The following C8orf76 variants were observed in gnomAD, a reference collection of about 807,000 sequenced individuals.
C8orf76 encodes the protein uncharacterized protein C8orf76.
C8orf76 carries 46 observed loss-of-function variants against 38.1 expected under a neutral mutation model. That is an observed-to-expected ratio of 1.21 (90% CI 0.95 to 1.54). The LOEUF (loss-of-function observed/expected upper bound fraction) is 1.54, where lower values mean the gene tolerates loss of function less well. Among genes scored for constraint, C8orf76 ranks in the 40% most tolerant of loss-of-function variants. The pLI is 0.00. For synonymous variants in C8orf76, 166 were observed against 167.5 expected (o/e 0.99, Z 0.07); for missense variants, 461 against 441.6 (o/e 1.04, Z -0.39).
intron 3 of C8orf76, among the ~76,000 whole-genome samples, chr8:123,235,067 C>T (rs1825411609): frequency 6.6e-6 from 1 of 152,088 alleles, no homozygotes; most frequent in East Asian, 1.9e-4. Flanking sequence ...AGCATCGAAC[C>T]CAGAACCAGG....
chr8:123,223,007 C>T, intron 5 of C8orf76, among the ~76,000 whole-genome samples: 1 of 151,972 alleles, frequency 6.6e-6, no homozygotes, highest in East Asian at 1.9e-4. Context: ...TAATCTGTTC[C>T]AAAAGGTACA....
At chr8:123,225,116 C>T in intron 5 of C8orf76, among the ~76,000 whole-genome samples, 1 of 152,128 alleles carries the variant, frequency 6.6e-6, no homozygotes, top group Non-Finnish European at 1.5e-5. Context: ...AGCAATTCTC[C>T]CGCCTTAGCC....
intron 3 of C8orf76, among the ~76,000 whole-genome samples, chr8:123,235,639 A>C (rs1321558237): frequency 6.6e-6 from 1 of 152,182 alleles, no homozygotes; most frequent in African/African-American, 2.4e-5. Context: ...CACAGTTCTG[A>C]AAGTCCAGGG....
At chr8:123,226,807 G>A (rs974071568) in intron 4 of C8orf76, among the ~76,000 whole-genome samples, 175 bp from the exon 5 acceptor site, 1 of 152,136 alleles carries the variant, frequency 6.6e-6, no homozygotes, top group Admixed American at 6.5e-5. Context: ...TAAAGCTTCC[G>A]ACTTGGAATC....
At chr8:123,239,452 G>A (rs1213763639) in intron 1 of C8orf76, 1 of 221,590 alleles carries the variant, frequency 4.5e-6, no homozygotes. Flanking sequence ...TTACTGAAAG[G>A]ACATAGGAAA....
At chr8:123,237,013 C>T (rs1325302886) in intron 3 of C8orf76, 2 of 1,517,370 alleles carry the variant, frequency 1.3e-6, no homozygotes, top group Non-Finnish European at 1.8e-6. Flanking sequence ...CAGACTACAA[C>T]ATCCAGAAGG....
intron 1 of C8orf76, among the ~76,000 whole-genome samples, chr8:123,240,236 T>A (rs551032439): frequency 6.6e-6 from 1 of 152,326 alleles, no homozygotes; most frequent in South Asian, 2.1e-4. Context: ...AGAGTTTTTT[T>A]AATGTTCTGC....
chr8:123,241,337 C>G lies in C8orf76; in HGVS notation c.10G>C (p.Gly4Arg). Residue 4 changes from glycine to arginine, a missense_variant, in exon 1 of 6, where the codon GGG becomes CGG. Physicochemically the swap from Gly to Arg is moderately radical, Grantham distance 125 (BLOSUM62 -2). Transcript: ENST00000276704. ...AACTCGCCGCCGAACAACCAGCACC[C>G]GGAATCCATCTCGCGCCCGCGGCGG... MDS[G>R]CWLFGGEFED... 6.4e-7 allele frequency: 1 copy of G among 1,562,380 alleles called. No individual in the cohort carries two copies. The highest frequency in any genetic ancestry group is 8.6e-7 in the Non-Finnish European group (1 of 1,161,364).
chr8:123,226,139 C>A, intron 5 of C8orf76: 2 of 1,060,792 alleles, frequency 1.9e-6, no homozygotes, highest in Non-Finnish European at 2.3e-6. Flanking sequence ...TACTCAACTT[C>A]ACAAGCTGTT....
intron 3 of C8orf76, chr8:123,236,709 G>T (rs1396826944): frequency 2.7e-6 from 1 of 373,464 alleles, no homozygotes; most frequent in Non-Finnish European, 5.1e-6. Context: ...GTTTGAATCC[G>T]GGAGGCGGAG....
At position 123,237,906 on chromosome 8, in the gene C8orf76, T is replaced by G; in HGVS notation, c.249A>C (p.Lys83Asn). 6.2e-7 allele frequency: 1 copy of G among 1,613,988 alleles called. No individual in the cohort carries two copies. Among genetic ancestry groups the G allele is most frequent in the Non-Finnish European group, 8.5e-7 (1 of 1,179,962 alleles). ...TCATGGCAAAATTGGTTGATGACAA[T>G]TTTTCAGAGATACTGGAATACTCCT... is the stretch of plus-strand genomic sequence containing the variant. ...ALQEYSSISEKLSSTNFAMKR... is the reference protein window; with the variant it reads ...ALQEYSSISENLSSTNFAMKR... The change falls in exon 3 of 6, where the codon AAA becomes AAC. Residue 83 changes from lysine to asparagine, a missense_variant. By Grantham distance (94) the Lys-to-Asn change is moderately conservative. Coordinates refer to ENST00000276704, the MANE Select transcript of C8orf76 (RefSeq NM_032847.3).
intron 5 of C8orf76, 149 bp downstream of exon 5, chr8:123,226,351 G>A: frequency 6.8e-7 from 1 of 1,480,182 alleles, no homozygotes; most frequent in Middle Eastern, 2.2e-4. Context: ...GGCCGCCTTG[G>A]TGATTGCTGA....
intron 3 of C8orf76, chr8:123,236,795 AAAAG>A (rs1238252660): frequency 1.1e-5 from 6 of 570,180 alleles, no homozygotes; most frequent in African/African-American, 1.9e-5. Flanking sequence ...AAAAAAAAAA[AAAAG>A]AAAGAAAAAT....
chr8:123,234,638 G>A (rs1309488448), intron 3 of C8orf76, among the ~76,000 whole-genome samples: 1 of 152,034 alleles, frequency 6.6e-6, no homozygotes, highest in African/African-American at 2.4e-5. Flanking sequence ...ATGTGGTGGC[G>A]GGCACCTCTA....
intron 3 of C8orf76, chr8:123,236,759 G>C: frequency 2.1e-6 from 1 of 467,478 alleles, no homozygotes; most frequent in Non-Finnish European, 3.9e-6. Flanking sequence ...ACTCCAGCCT[G>C]GGTGACAGAG....
At chr8:123,226,306 C>G in intron 5 of C8orf76, 194 bp downstream of exon 5, 1 of 1,408,790 alleles carries the variant, frequency 7.1e-7, no homozygotes, top group Non-Finnish European at 9.2e-7. Flanking sequence ...ACAGCCCCTG[C>G]GGTCCCGCAC....
At chr8:123,231,850 T>A in intron 3 of C8orf76, 93 bp from the exon 4 acceptor site, 1 of 1,328,076 alleles carries the variant, frequency 7.5e-7, no homozygotes, top group Non-Finnish European at 1.0e-6. Flanking sequence ...GTATATGTTA[T>A]AAATTAGAAG....
intron 5 of C8orf76, 184 bp downstream of exon 5, chr8:123,226,316 C>T (rs1238399015): frequency 5.4e-5 from 77 of 1,435,630 alleles, no homozygotes; most frequent in Middle Eastern, 2.5e-4. Flanking sequence ...CGGTCCCGCA[C>T]GCTGCAGGGG....
chr8:123,241,355 C>CGCG lies in C8orf76; in HGVS notation c.-12_-10dup, dbSNP rs778870550. 6.5e-7 allele frequency: 1 copy of CGCG among 1,548,804 alleles called. No individual in the cohort carries two copies. The highest frequency in any genetic ancestry group is 1.4e-5 in the African/African-American group (1 of 69,210). ...CAGCACCCGGAATCCATCTCGCGCC[C>CGCG]GCGGCGGGGGCAACGAGGAAGCGGG... On this transcript the variant is annotated 5_prime_UTR_variant, in exon 1 of 6. Transcript: ENST00000276704.
Sources: allele counts gnomAD v4.1 joint callset (sites outside exome capture counted in the v4.1 genomes callset), GRCh38; gene constraint gnomAD v4.1.1; transcripts MANE v1.5; gene names NCBI Gene and HGNC (gene_info 2026-07-23, HGNC 2026-07-21).